Variants in ZNF208 observed in about 807,000 individuals in gnomAD.
ZNF208 encodes zinc finger protein 95.
Under a neutral mutation model 12.1 loss-of-function variants are expected in ZNF208, and 10 were observed. The observed-to-expected ratio is 0.83, with a 90% CI of 0.51 to 1.40. The LOEUF is 1.40. Among genes scored for constraint, ZNF208 ranks in the 40% most tolerant of loss-of-function variants. The probability of loss-of-function intolerance (pLI) is 0.00; values close to 1 mark genes in which losing one functional copy is unlikely to be tolerated. For missense variants in ZNF208, 1,652 were observed against 1,485.0 expected, an observed-to-expected ratio of 1.11 and a Z score of -1.85; for synonymous variants, 497 against 488.4, an observed-to-expected ratio of 1.02 and a Z score of -0.23.
At position 21,969,762 on chromosome 19, in the gene ZNF208, T is replaced by C. The variant is rs923897134; in HGVS notation, c.*1429A>G. Among the ~76,000 whole-genome samples the C allele has an allele frequency of 2.0e-5, 3 of 152,280 alleles. No individual in the cohort carries two copies. The South Asian group carries it at 6.2e-4, about 32-fold the overall frequency. On this transcript the variant is annotated 3_prime_UTR_variant, in exon 4 of 4. Coordinates refer to ENST00000397126, the MANE Select transcript of ZNF208 (RefSeq NM_007153.3). Reference sequence around the variant, plus strand: ...CAACCCTCTTAATATTTATAATGTGTTTCCTCAAAATAAATATTCTTCTGT... The same window carrying C: ...CAACCCTCTTAATATTTATAATGTGCTTCCTCAAAATAAATATTCTTCTGT...
At chr19:21,989,083 TTC>T (rs565901732) in intron 1 of ZNF208, among the ~76,000 whole-genome samples, 174 bp from the exon 2 acceptor site, 16 of 108,150 alleles carry the variant, frequency 1.5e-4, no homozygotes, top group South Asian at 3.1e-4. Context: ...TCTCTCTTTT[TTC>T]TTTTTTTAAT....
intron 4 of ZNF208, among the ~76,000 whole-genome samples, chr19:21,946,943 C>CTT (rs3029009): frequency 0.12 from 17,189 of 148,570 alleles, 1,286 homozygotes; most frequent in South Asian, 0.19. Flanking sequence ...AACTTCCAGT[C>CTT]TTTTTTTTTT....
downstream of ZNF208, among the ~76,000 whole-genome samples, chr19:21,963,554 G>A (rs1306100559): frequency 6.6e-6 from 1 of 152,000 alleles, no homozygotes; most frequent in African/African-American, 2.4e-5. Flanking sequence ...CTGAGTGGAG[G>A]TGCAACACAT....
At chr19:21,978,795 G>A (rs895257888) in intron 3 of ZNF208, among the ~76,000 whole-genome samples, 1 of 152,110 alleles carries the variant, frequency 6.6e-6, no homozygotes, top group African/African-American at 2.4e-5. Context: ...AACTAAAGGA[G>A]CATGTTCTAA....
chr19:21,943,970 C>T (rs183216932), intron 4 of ZNF208, among the ~76,000 whole-genome samples: 5 of 152,250 alleles, frequency 3.3e-5, no homozygotes, highest in Admixed American at 3.3e-4. Flanking sequence ...TGTCAGCTTC[C>T]CCAAGCTACA....
At position 21,967,140 on chromosome 19, in the gene ZNF208, C is replaced by A. The variant is rs1342631306; in HGVS notation, c.*4051G>T. 1.3e-5 allele frequency: 2 copies of A among 151,554 alleles called. No homozygotes were observed. The highest frequency in any genetic ancestry group is 2.4e-5 in the African/African-American group (1 of 41,278). The allele number at this position is 151,554 out of a possible 1,614,324, so 9.4% of individuals were successfully genotyped here. ...GTTAGTCATAAATTCTTTACAGAGG[C>A]CAGTATTATCTAAGTGTTATTCTAA... is the stretch of plus-strand genomic sequence containing the variant. On this transcript the variant is annotated 3_prime_UTR_variant, in exon 4 of 4. Coordinates refer to ENST00000397126, the MANE Select transcript of ZNF208 (RefSeq NM_007153.3).
Position 21,970,775 on chromosome 19 carries a change from G to A in ZNF208, c.*416C>T. On this transcript the variant is annotated 3_prime_UTR_variant, in exon 4 of 4. Coordinates refer to ENST00000397126, the MANE Select transcript of ZNF208 (RefSeq NM_007153.3). ...CTTTGCCAAATTCTTCACATTTTTAGAATTTCTCTCCAGCATGAATTTTCT... is the reference window on the plus strand; with the variant it reads ...CTTTGCCAAATTCTTCACATTTTTAAAATTTCTCTCCAGCATGAATTTTCT... The A allele has an allele frequency of 7.1e-7, 1 of 1,412,066 alleles. No individual in the cohort carries two copies. The highest frequency in any genetic ancestry group is 1.0e-6 in the Non-Finnish European group (1 of 1,002,934). 87.5% of individuals were successfully genotyped at this position (1,412,066 alleles called of 1,614,324 possible).
rs1970254623 is a variant in ZNF208 at position 21,970,275 on chromosome 19, T to TC, written c.*915dup. On this transcript the variant is annotated 3_prime_UTR_variant, in exon 4 of 4. Coordinates refer to ENST00000397126, the MANE Select transcript of ZNF208 (RefSeq NM_007153.3). ...CCACATTCTTCACACATGCATGGTT[T>TC]CTCTCCAGTATGAGTTGTCTTATAT... Among the ~76,000 whole-genome samples, 1 of 152,176 alleles carries TC rather than the reference T, an allele frequency of 6.6e-6. No individual in the cohort carries two copies. The highest frequency in any genetic ancestry group is 1.5e-5 in the Non-Finnish European group (1 of 68,026).
At position 21,972,761 on chromosome 19, in the gene ZNF208, T is replaced by C. The variant is rs779131887; in HGVS notation, c.2273A>G (p.Tyr758Cys). ...PYKCEECGKA[Y>C]KWSSTLSYHK... ...ATAACTAAGGGTTGAGGACCACTTATAGGCTTTGCCACATTCTTCACATTT... is the reference window on the plus strand; with the variant it reads ...ATAACTAAGGGTTGAGGACCACTTACAGGCTTTGCCACATTCTTCACATTT... Residue 758 changes from tyrosine (Y) to cysteine (C), a missense_variant, in exon 4 of 4, where the codon TAT becomes TGT. Tyr to Cys is a radical substitution (Grantham distance 194). Coordinates refer to ENST00000397126, the MANE Select transcript of ZNF208 (RefSeq NM_007153.3). The C allele has an allele frequency of 8.3e-5, 133 of 1,607,766 alleles. No individual in the cohort carries two copies. Among genetic ancestry groups the C allele is most frequent in the Non-Finnish European group, 1.0e-4 (120 of 1,178,474 alleles).
Position 21,987,320 on chromosome 19 carries a change from T to A in ZNF208, c.131-9A>T. 2 of 1,602,046 alleles carry A rather than the reference T, an allele frequency of 1.2e-6. No individual in the cohort carries two copies. The highest frequency in any genetic ancestry group is 1.7e-6 in the Non-Finnish European group (2 of 1,175,424). ...CTTAAAGGCAGCAATACCTGTTTTA[T>A]TAAAAATGAACAACATGCTTCTTGC... On this transcript the variant is annotated splice_polypyrimidine_tract_variant and intron_variant, in intron 2 of 3. Coordinates refer to ENST00000397126, the MANE Select transcript of ZNF208 (RefSeq NM_007153.3).
intron 3 of ZNF208, among the ~76,000 whole-genome samples, chr19:21,977,528 G>C (rs1970455597): frequency 6.6e-6 from 1 of 152,206 alleles, no homozygotes; most frequent in Non-Finnish European, 1.5e-5. Flanking sequence ...GTACCATGAA[G>C]AACCGTGCTC....
downstream of ZNF208, among the ~76,000 whole-genome samples, chr19:21,963,217 T>G (rs949560446): frequency 2.6e-5 from 4 of 152,050 alleles, no homozygotes; most frequent in Non-Finnish European, 5.9e-5. Flanking sequence ...TTTTCTATTT[T>G]TCTCTATATT....
chr19:21,987,421 CA>C, intron 2 of ZNF208, 110 bp from the exon 3 acceptor site: 1 of 1,111,848 alleles, frequency 9.0e-7, no homozygotes, highest in Non-Finnish European at 1.2e-6. Context: ...AGATTTATCC[CA>C]AAATACTAAA....
chr19:21,974,907 GATGACACTGCAAT>G, intron 3 of ZNF208, 100 bp from the exon 4 acceptor site: 1 of 1,349,352 alleles, frequency 7.4e-7, no homozygotes, highest in South Asian at 1.7e-5. Context: ...ACATAAGCAA[GATGACACTGCAAT>G]ATGACACAGG....
chr19:21,982,357 CAAAAAAAAAA>C (rs34234040), intron 3 of ZNF208, among the ~76,000 whole-genome samples: 12 of 107,424 alleles, frequency 1.1e-4, no homozygotes, highest in Non-Finnish European at 1.8e-4. Context: ...GACTCCATCT[CAAAAAAAAAA>C]AAAAAAAAGG....
intron 4 of ZNF208, among the ~76,000 whole-genome samples, chr19:21,957,730 C>T (rs576096397): frequency 1.3e-5 from 2 of 152,276 alleles, no homozygotes; most frequent in South Asian, 4.1e-4. Flanking sequence ...GATAGTTACT[C>T]TTGCTGCACT....
chr19:22,001,023 T>C (rs1184058842), intron 1 of ZNF208, among the ~76,000 whole-genome samples: 1 of 152,110 alleles, frequency 6.6e-6, no homozygotes, highest in Non-Finnish European at 1.5e-5. Context: ...GTGCGGTGGC[T>C]CACACCTGTA....
At chr19:21,948,301 A>C (rs1969842631) in intron 4 of ZNF208, among the ~76,000 whole-genome samples, 1 of 152,208 alleles carries the variant, frequency 6.6e-6, no homozygotes, top group Admixed American at 6.5e-5. Flanking sequence ...GGGAAGTATT[A>C]ATTTCAACAC....
At chr19:21,951,221 C>T (rs1969882502) in intron 4 of ZNF208, among the ~76,000 whole-genome samples, 2 of 152,258 alleles carry the variant, frequency 1.3e-5, no homozygotes, top group East Asian at 1.9e-4. Context: ...AACCATGCCC[C>T]TAACTATACT....
Sources: gnomAD v4.1 joint callset for allele counts (sites outside exome capture counted in the v4.1 genomes callset) on GRCh38, gnomAD v4.1.1 for gene constraint, MANE v1.5 for transcripts, NCBI Gene and HGNC (gene_info 2026-07-23, HGNC 2026-07-21) for gene names.